SPOCK3: variants seen among roughly 807,000 people sequenced by gnomAD.
SPOCK3 encodes the protein testican-3.
Under a neutral mutation model 56.6 loss-of-function variants are expected in SPOCK3, and 30 were observed. That is an observed-to-expected ratio of 0.53 (90% CI 0.40 to 0.72). The LOEUF is 0.72. SPOCK3 is among the 30% of genes least tolerant of loss of function. The pLI, the probability that SPOCK3 is intolerant of heterozygous loss-of-function variation, is 0.00. For synonymous variants in SPOCK3, 196 were observed against 183.3 expected, an observed-to-expected ratio of 1.07 and a Z score of -0.56; for missense variants, 527 against 530.0, an observed-to-expected ratio of 0.99 and a Z score of 0.06.
intron 5 of SPOCK3, among the ~76,000 whole-genome samples, chr4:166,907,437 CA>C (rs1319624958): frequency 6.6e-6 from 1 of 152,056 alleles, no homozygotes; most frequent in Non-Finnish European, 1.5e-5. Flanking sequence ...AACAAACACA[CA>C]AAAAATGAGT....
At chr4:166,909,676 G>A (rs891043869) in intron 5 of SPOCK3, among the ~76,000 whole-genome samples, 1 of 152,024 alleles carries the variant, frequency 6.6e-6, no homozygotes, top group African/African-American at 2.4e-5. Context: ...AACATATCAG[G>A]ACTACTCAGG....
At chr4:167,202,050 A>C (rs1028517789) in intron 2 of SPOCK3, among the ~76,000 whole-genome samples, 1 of 151,974 alleles carries the variant, frequency 6.6e-6, no homozygotes, top group Non-Finnish European at 1.5e-5. Flanking sequence ...AGGCTTCAAA[A>C]ATTAAGTGTA....
chr4:166,956,510 T>C (rs1391798726), intron 4 of SPOCK3, among the ~76,000 whole-genome samples: 4 of 152,058 alleles, frequency 2.6e-5, no homozygotes, highest in African/African-American at 9.7e-5. Context: ...AAAGGGAGCA[T>C]TCACAGAGCA....
intron 4 of SPOCK3, among the ~76,000 whole-genome samples, chr4:166,985,184 C>T (rs774697980): frequency 2.3e-4 from 35 of 152,152 alleles, no homozygotes; most frequent in Admixed American, 6.6e-4. Flanking sequence ...TTACAGGGTA[C>T]CTTTGGATTG....
chr4:166,929,133 C>T, intron 4 of SPOCK3, among the ~76,000 whole-genome samples: 1 of 151,666 alleles, frequency 6.6e-6, no homozygotes, highest in East Asian at 1.9e-4. Flanking sequence ...AATCTTTGTA[C>T]CCTCTGTTCA....
At chr4:167,099,005 G>A (rs1296236146) in intron 2 of SPOCK3, among the ~76,000 whole-genome samples, 1 of 151,802 alleles carries the variant, frequency 6.6e-6, no homozygotes, top group Non-Finnish European at 1.5e-5. Flanking sequence ...TAGAAGGAAG[G>A]GATCAGCATC....
chr4:167,186,410 C>T (rs1211709422), intron 2 of SPOCK3, among the ~76,000 whole-genome samples: 4 of 151,978 alleles, frequency 2.6e-5, no homozygotes, highest in Non-Finnish European at 5.9e-5. Context: ...GGGCAGATCA[C>T]GAGGTCAGGA....
intron 3 of SPOCK3, among the ~76,000 whole-genome samples, chr4:167,060,716 T>C (rs1048551087): frequency 3.1e-4 from 47 of 152,126 alleles, no homozygotes; most frequent in African/African-American, 8.4e-4. Flanking sequence ...GGGATGCCAT[T>C]ATTTCTTGAT....
At chr4:167,222,632 AT>A (rs1474112317) in intron 2 of SPOCK3, among the ~76,000 whole-genome samples, 9 of 140,438 alleles carry the variant, frequency 6.4e-5, no homozygotes, top group South Asian at 2.1e-4. Context: ...ATAAACATAG[AT>A]ATATATTATA....
At chr4:167,106,429 T>C (rs191566260) in intron 2 of SPOCK3, among the ~76,000 whole-genome samples, 5 of 151,960 alleles carry the variant, frequency 3.3e-5, no homozygotes, top group Admixed American at 1.3e-4. Context: ...GAAAACTTTA[T>C]TGAAACAAAT....
At chr4:167,028,282 C>T (rs1751909263) in intron 3 of SPOCK3, among the ~76,000 whole-genome samples, 1 of 150,742 alleles carries the variant, frequency 6.6e-6, no homozygotes, top group African/African-American at 2.4e-5. Context: ...GAGACTGAGG[C>T]AAGAGGATCA....
intron 4 of SPOCK3, among the ~76,000 whole-genome samples, chr4:166,956,583 T>A (rs1357653309): frequency 1.3e-5 from 2 of 152,198 alleles, no homozygotes; most frequent in African/African-American, 4.8e-5. Context: ...TATAAATTGT[T>A]TATTTCTGAA....
chr4:166,940,260 G>T (rs1410674326), intron 4 of SPOCK3, among the ~76,000 whole-genome samples: 1 of 152,142 alleles, frequency 6.6e-6, no homozygotes, highest in Non-Finnish European at 1.5e-5. Context: ...TACCTTTTGA[G>T]TATGAGCCTA....
At chr4:167,067,518 G>C (rs549570674) in intron 2 of SPOCK3, among the ~76,000 whole-genome samples, 1 of 151,778 alleles carries the variant, frequency 6.6e-6, no homozygotes, top group Non-Finnish European at 1.5e-5. Context: ...TGACAGTCCA[G>C]TTCTGGGTGG....
intron 2 of SPOCK3, among the ~76,000 whole-genome samples, chr4:167,203,643 C>T (rs1733738681): frequency 6.6e-6 from 1 of 151,634 alleles, no homozygotes; most frequent in Admixed American, 6.6e-5. Flanking sequence ...GAATGTAATG[C>T]CTTGAAGCTA....
At chr4:166,743,776 G>A (rs1735188792) in intron 8 of SPOCK3, among the ~76,000 whole-genome samples, 1 of 152,150 alleles carries the variant, frequency 6.6e-6, no homozygotes, top group African/African-American at 2.4e-5. Context: ...TTTTACAACG[G>A]TCTTAGCAGA....
intron 2 of SPOCK3, among the ~76,000 whole-genome samples, chr4:167,165,953 T>C (rs1223781062): frequency 6.6e-6 from 1 of 152,012 alleles, no homozygotes; most frequent in Non-Finnish European, 1.5e-5. Flanking sequence ...AGAAAATCTT[T>C]ATTTATGAAA....
chr4:166,946,584 C>T (rs985605891), intron 4 of SPOCK3, among the ~76,000 whole-genome samples: 1 of 152,180 alleles, frequency 6.6e-6, no homozygotes, highest in African/African-American at 2.4e-5. Flanking sequence ...TAACTATCAC[C>T]TTCACAATGA....
chr4:166,969,401 G>A (rs1293934100), intron 4 of SPOCK3, among the ~76,000 whole-genome samples: 1 of 151,588 alleles, frequency 6.6e-6, no homozygotes, highest in Non-Finnish European at 1.5e-5. Context: ...GTTGAGAGAG[G>A]GACCTGGTGG....
Sources: gnomAD v4.1 joint callset for allele counts (sites outside exome capture counted in the v4.1 genomes callset) on GRCh38, gnomAD v4.1.1 for gene constraint, MANE v1.5 for transcripts, NCBI Gene and HGNC (gene_info 2026-07-23, HGNC 2026-07-21) for gene names.